Variants in CIT observed in about 807,000 individuals in gnomAD.
CIT encodes citron Rho-interacting kinase.
Under a neutral mutation model 272.7 loss-of-function variants are expected in CIT, and 79 were observed. The observed-to-expected ratio is 0.29, with a 90% CI of 0.24 to 0.35. The LOEUF (loss-of-function observed/expected upper bound fraction) is 0.35. Ranked by LOEUF, CIT falls within the 10% of genes least tolerant of loss-of-function variation. The pLI is 1.00. For missense variants in CIT, 1,909 were observed against 2,618.3 expected (o/e 0.73, Z 5.91); for synonymous variants, 948 against 995.6 (o/e 0.95, Z 0.90).
chr12:119,857,666 G>A lies in CIT; in HGVS notation c.271C>T (p.Gln91Ter), dbSNP rs1693934395. ...SDTIAELQEL[Q>*]PSAKDFEVRS... is the part of the protein sequence containing the mutation. ...ACTTCGAAGTCCTTTGCCGAAGGCT[G>A]GAGCTCCTGTAACTCAGCTATGGTG... The change falls in exon 4 of 48, where the codon CAG (glutamine) becomes TAG (stop). Residue 91 changes from glutamine to a stop codon, truncating the protein, a stop_gained. Coordinates refer to ENST00000392521, the MANE Select transcript of CIT (RefSeq NM_001206999.2). LOFTEE classifies it high-confidence loss of function. 6.2e-7 allele frequency: 1 copy of A among 1,614,142 alleles called. No individual in the cohort carries two copies. Among genetic ancestry groups the A allele is most frequent in the South Asian group, 1.1e-5 (1 of 91,082 alleles).
chr12:119,869,712 G>A (rs1362267001), intron 2 of CIT, among the ~76,000 whole-genome samples: 1 of 152,138 alleles, frequency 6.6e-6, no homozygotes, highest in Non-Finnish European at 1.5e-5. Context: ...CTGGCAGACT[G>A]TCTCTAGCCC....
intron 40 of CIT, among the ~76,000 whole-genome samples, chr12:119,706,745 C>A (rs1222142708): frequency 6.6e-6 from 1 of 152,194 alleles, no homozygotes; most frequent in Non-Finnish European, 1.5e-5. Flanking sequence ...CTGCAATGAA[C>A]ATACACATGC....
chr12:119,857,685 T>TTTGC lies in CIT; in HGVS notation c.251_252insGCAA (p.Ile84MetfsTer4), dbSNP rs1305387934. 1.9e-6 allele frequency: 3 copies of TTTGC among 1,613,928 alleles called. No homozygotes were observed. Among genetic ancestry groups the TTTGC allele is most frequent in the Non-Finnish European group, 2.5e-6 (3 of 1,179,960 alleles). ...AAGGCTGGAGCTCCTGTAACTCAGC[T>TTTGC]ATGGTGTCGGAATCTGCAAAAGATG... On this transcript the variant is annotated frameshift_variant, in exon 4 of 48. Transcript: ENST00000392521. LOFTEE classifies it high-confidence loss of function.
intron 23 of CIT, among the ~76,000 whole-genome samples, chr12:119,743,405 G>A (rs1258424598): frequency 6.6e-6 from 1 of 152,176 alleles, no homozygotes; most frequent in African/African-American, 2.4e-5. Context: ...CCTGAGGCAG[G>A]AAAGGGTCTG....
chr12:119,703,557 CTGAGA>C (rs746900675), intron 41 of CIT, among the ~76,000 whole-genome samples: 4 of 151,660 alleles, frequency 2.6e-5, no homozygotes, highest in Non-Finnish European at 5.9e-5. Flanking sequence ...TCCCACGTAG[CTGAGA>C]TAACAAGCAC....
At chr12:119,727,529 C>T (rs929901815) in intron 28 of CIT, among the ~76,000 whole-genome samples, 5 of 152,134 alleles carry the variant, frequency 3.3e-5, no homozygotes, top group East Asian at 1.9e-4. Flanking sequence ...GACAGGTACA[C>T]GAAAAGCCCA....
chr12:119,776,622 T>G (rs765486984), intron 14 of CIT, 50 bp downstream of exon 14: 9 of 1,545,320 alleles, frequency 5.8e-6, no homozygotes, highest in Non-Finnish European at 6.2e-6. Flanking sequence ...CTTGCTAAGA[T>G]CATGTACAAT....
At chr12:119,831,802 G>A (rs1343444238) in intron 7 of CIT, among the ~76,000 whole-genome samples, 1 of 152,116 alleles carries the variant, frequency 6.6e-6, no homozygotes, top group Non-Finnish European at 1.5e-5. Context: ...CCAGGGGGGC[G>A]GAGCTTGCAG....
At chr12:119,813,613 A>T (rs758747810) in intron 9 of CIT, among the ~76,000 whole-genome samples, 4 of 152,224 alleles carry the variant, frequency 2.6e-5, no homozygotes, top group Non-Finnish European at 5.9e-5. Flanking sequence ...GCAAGTGAGA[A>T]TTTAAGGGTT....
At chr12:119,862,670 C>T (rs1462895149) in intron 3 of CIT, among the ~76,000 whole-genome samples, 1 of 150,994 alleles carries the variant, frequency 6.6e-6, no homozygotes, top group Admixed American at 6.6e-5. Context: ...ATTAGCCAGG[C>T]GTGGTGGCAG....
At chr12:119,766,892 T>G (rs1328564439) in intron 19 of CIT, among the ~76,000 whole-genome samples, 195 bp downstream of exon 19, 7 of 143,420 alleles carry the variant, frequency 4.9e-5, no homozygotes, top group African/African-American at 1.8e-4. Flanking sequence ...AAAAAAAAGG[T>G]TTTTTTTTTG....
At position 119,734,365 on chromosome 12, in the gene CIT, T is replaced by A; in HGVS notation, c.3157-8A>T. 1 of 1,611,550 alleles carries A rather than the reference T, an allele frequency of 6.2e-7. No homozygotes were observed. Among genetic ancestry groups the A allele is most frequent in the Non-Finnish European group, 8.5e-7 (1 of 1,179,634 alleles). On this transcript the variant is annotated splice_region_variant and splice_polypyrimidine_tract_variant and intron_variant, in intron 25 of 47. Coordinates refer to ENST00000392521, the MANE Select transcript of CIT (RefSeq NM_001206999.2). ...CTTCAGAGCCTCCATCGTCTGCAAA[T>A]CAGTAGCACTGATTTGTGCCTTGTC...
At chr12:119,821,133 G>A (rs976020867) in intron 9 of CIT, among the ~76,000 whole-genome samples, 43 of 151,672 alleles carry the variant, frequency 2.8e-4, no homozygotes, top group African/African-American at 8.5e-4. Context: ...CTGTTTCTAC[G>A]AAAAATAGAA....
At chr12:119,812,530 C>G (rs1483416971) in intron 9 of CIT, among the ~76,000 whole-genome samples, 1 of 151,882 alleles carries the variant, frequency 6.6e-6, no homozygotes, top group Non-Finnish European at 1.5e-5. Context: ...AGCTTGAACT[C>G]CTGGGCTCAA....
intron 2 of CIT, among the ~76,000 whole-genome samples, chr12:119,872,700 G>T (rs985874312): frequency 6.6e-6 from 1 of 152,184 alleles, no homozygotes; most frequent in African/African-American, 2.4e-5. Flanking sequence ...ACCAACCAAA[G>T]ATGGAGTCTG....
At chr12:119,832,573 G>A (rs906532573) in intron 7 of CIT, among the ~76,000 whole-genome samples, 198 bp downstream of exon 7, 14 of 152,132 alleles carry the variant, frequency 9.2e-5, no homozygotes, top group African/African-American at 3.4e-4. Context: ...AAAATGTCTT[G>A]GAGGGTATTA....
At chr12:119,802,215 G>A (rs1286934916) in intron 10 of CIT, among the ~76,000 whole-genome samples, 1 of 152,204 alleles carries the variant, frequency 6.6e-6, no homozygotes, top group African/African-American at 2.4e-5. Flanking sequence ...ACCTGAAAGT[G>A]CAGGGACCAG....
In CIT at chr12:119,713,775, G is replaced by C. The variant is rs1957298054; in HGVS notation, c.4307-127C>G. 1 of 995,602 alleles carries C rather than the reference G, an allele frequency of 1.0e-6. No homozygotes were observed. Among genetic ancestry groups the C allele is most frequent in the South Asian group, 1.5e-5 (1 of 68,286 alleles). 61.7% of individuals were successfully genotyped at this position (995,602 alleles called of 1,614,324 possible). A position where few individuals can be genotyped will look rare whatever the true frequency, so the allele number is the denominator to read the frequency against. On this transcript the variant is annotated intron_variant, in intron 33 of 47. Coordinates refer to ENST00000392521, the MANE Select transcript of CIT (RefSeq NM_001206999.2). This position sits in a 1 kb window ranked among gnomAD's most constrained non-coding sequence, Gnocchi z 5.2. ...CCAGAGAGTCTGGCCCTGGCTTGCA[G>C]GTAGTCTCCTGAGCTTCCCCTGGTG...
chr12:119,850,956 A>C (rs1042657501), intron 4 of CIT, among the ~76,000 whole-genome samples: 8 of 152,254 alleles, frequency 5.3e-5, no homozygotes, highest in Admixed American at 3.9e-4. Flanking sequence ...ATACAGATGC[A>C]TAAAATAAGT....
Sources: allele counts gnomAD v4.1 joint callset (sites outside exome capture counted in the v4.1 genomes callset), GRCh38; gene constraint gnomAD v4.1.1; non-coding constraint Gnocchi (gnomAD v3.1); transcripts MANE v1.5; gene names NCBI Gene and HGNC (gene_info 2026-07-23, HGNC 2026-07-21).